The following HACE1 variants were observed in gnomAD, a reference collection of about 807,000 sequenced individuals.
The protein encoded by HACE1 is HECT domain and ankyrin repeat containing E3 ubiquitin protein ligase 1.
In HACE1, 73 loss-of-function variants were observed where a neutral mutation model predicts 118.4. The ratio of observed to expected loss-of-function variants is 0.62; its 90% CI spans 0.51 to 0.75. The LOEUF (loss-of-function observed/expected upper bound fraction) is 0.75. Ranked by LOEUF, HACE1 falls within the 30% of genes least tolerant of loss-of-function variation. The pLI is 0.00. For missense variants in HACE1, 749 were observed against 1,102.2 expected (o/e 0.68, Z 4.54); for synonymous variants, 368 against 374.8 (o/e 0.98, Z 0.21).
chr6:104,746,306 A>G (rs1003620596), intron 20 of HACE1, among the ~76,000 whole-genome samples: 1 of 152,160 alleles, frequency 6.6e-6, no homozygotes, highest in African/African-American at 2.4e-5. Flanking sequence ...AGTCCTAGTC[A>G]CAGTGTTATA....
At chr6:104,751,143 G>A (rs766105771) in intron 19 of HACE1, among the ~76,000 whole-genome samples, 4 of 152,124 alleles carry the variant, frequency 2.6e-5, no homozygotes, top group Non-Finnish European at 5.9e-5. Flanking sequence ...CAAAACACAA[G>A]CTTGTCCGGG....
intron 14 of HACE1, among the ~76,000 whole-genome samples, chr6:104,783,579 T>C (rs934279291): frequency 1.3e-5 from 2 of 152,146 alleles, no homozygotes; most frequent in Admixed American, 6.5e-5. Context: ...CAAAACAAGC[T>C]TTCCTCCAGC....
At position 104,756,262 on chromosome 6, in the gene HACE1, A is replaced by C. The variant is rs189677201; in HGVS notation, c.2212-5790T>G. 1.2e-3 allele frequency among the ~76,000 whole-genome samples: 179 copies of C among 151,770 alleles called. 1 individual carries two copies. The highest frequency in any genetic ancestry group is 3.7e-4 in the Non-Finnish European group (25 of 67,912). ...GTCATCTTTACTAAAAACACAAAAA[A>C]TTAGCCAGGCATGGTGGTGCATGCC... On this transcript the variant is annotated intron_variant, in intron 19 of 23. Transcript: ENST00000262903.
chr6:104,828,549 A>G (rs140507751), intron 6 of HACE1, among the ~76,000 whole-genome samples: 3,768 of 152,110 alleles, frequency 0.025, 83 homozygotes, highest in Non-Finnish European at 0.036. Context: ...TATAAAAATA[A>G]AATTATTAAG....
intron 3 of HACE1, among the ~76,000 whole-genome samples, chr6:104,849,712 G>A (rs1446759927): frequency 4.0e-5 from 6 of 148,518 alleles, no homozygotes; most frequent in Non-Finnish European, 7.4e-5. Context: ...GCAGTGGTGC[G>A]ATGTCAGCTC....
chr6:104,751,247 T>C (rs1778013593), intron 19 of HACE1, among the ~76,000 whole-genome samples: 2 of 152,222 alleles, frequency 1.3e-5, no homozygotes, highest in African/African-American at 4.8e-5. Context: ...TACCAGGATA[T>C]ATACCAACTT....
rs116273598 is a variant in HACE1, at chr6:104,753,244, G to A, written c.2212-2772C>T. Among the ~76,000 whole-genome samples, 198 of 152,276 alleles carry A rather than the reference G, an allele frequency of 1.3e-3. 1 individual carries two copies. The highest frequency in any genetic ancestry group is 4.4e-3 in the African/African-American group (182 of 41,554). On this transcript the variant is annotated intron_variant, in intron 19 of 23. Coordinates refer to ENST00000262903, the MANE Select transcript of HACE1 (RefSeq NM_020771.4). Reference sequence around the variant, plus strand: ...AGGACAGCGCTTTGGTATCTCACTGGGACCGAGCTCCGGGGACAAGGGGTG... The same window carrying A: ...AGGACAGCGCTTTGGTATCTCACTGAGACCGAGCTCCGGGGACAAGGGGTG...
chr6:104,766,321 G>A (rs1486730091), intron 19 of HACE1, among the ~76,000 whole-genome samples: 1 of 152,116 alleles, frequency 6.6e-6, no homozygotes, highest in Admixed American at 6.6e-5. Flanking sequence ...TGAAACAACT[G>A]TATGTTGTAT....
At chr6:104,819,559 C>CA (rs1562443559) in intron 6 of HACE1, among the ~76,000 whole-genome samples, 1 of 151,972 alleles carries the variant, frequency 6.6e-6, no homozygotes, top group South Asian at 2.1e-4. Flanking sequence ...CATATGGAAC[C>CA]AAAAAAGAGC....
intron 6 of HACE1, among the ~76,000 whole-genome samples, chr6:104,824,406 T>C (rs1265170207): frequency 1.3e-5 from 2 of 152,246 alleles, no homozygotes; most frequent in Non-Finnish European, 2.9e-5. Context: ...AGACTCCACA[T>C]ACATTCTTCC....
intron 6 of HACE1, among the ~76,000 whole-genome samples, chr6:104,829,431 AAC>A (rs897176955): frequency 2.6e-5 from 4 of 152,158 alleles, no homozygotes; most frequent in African/African-American, 9.6e-5. Context: ...CACAACTATG[AAC>A]ACAGATTTGT....
chr6:104,834,846 A>G (rs1774368789), intron 5 of HACE1, among the ~76,000 whole-genome samples: 1 of 152,218 alleles, frequency 6.6e-6, no homozygotes, highest in Non-Finnish European at 1.5e-5. Flanking sequence ...AGTTTATTTA[A>G]TAAGATTTAG....
chr6:104,767,554 C>G (rs1225599071), intron 19 of HACE1, among the ~76,000 whole-genome samples: 2 of 152,138 alleles, frequency 1.3e-5, no homozygotes, highest in Non-Finnish European at 2.9e-5. Context: ...GAAATTTGAT[C>G]ATGTCATTTC....
chr6:104,758,693 A>G (rs567370335), intron 19 of HACE1, among the ~76,000 whole-genome samples: 4 of 152,196 alleles, frequency 2.6e-5, no homozygotes, highest in Non-Finnish European at 5.9e-5. Context: ...AAATTCACAC[A>G]TAACAATACA....
intron 7 of HACE1, among the ~76,000 whole-genome samples, chr6:104,807,689 T>C (rs1394336610): frequency 6.6e-6 from 1 of 152,056 alleles, no homozygotes; most frequent in East Asian, 1.9e-4. Context: ...TAAAGGTGTG[T>C]AAAGATGGCA....
chr6:104,771,434 C>A, intron 18 of HACE1, 45 bp from the exon 19 acceptor site: 1 of 1,272,964 alleles, frequency 7.9e-7, no homozygotes, highest in Non-Finnish European at 1.1e-6. Context: ...GTTTTGCCTT[C>A]CCTTATCTAT....
intron 6 of HACE1, among the ~76,000 whole-genome samples, chr6:104,822,803 G>A (rs1267504681): frequency 6.6e-6 from 1 of 152,100 alleles, no homozygotes; most frequent in African/African-American, 2.4e-5. Context: ...GTTGCAGTGA[G>A]CGGAGATCGC....
intron 17 of HACE1, among the ~76,000 whole-genome samples, chr6:104,774,975 A>G (rs1349480095): frequency 6.6e-6 from 1 of 152,202 alleles, no homozygotes; most frequent in Non-Finnish European, 1.5e-5. Context: ...ACGTGAAAAT[A>G]TTTCAGCTTG....
chr6:104,782,574 G>T (rs1284335189), intron 14 of HACE1: 1 of 152,052 alleles, frequency 6.6e-6, no homozygotes, highest in Non-Finnish European at 1.5e-5. Context: ...GTAGCAGAAT[G>T]ACTTAAACAA....
Sources: gnomAD v4.1 joint callset for allele counts (sites outside exome capture counted in the v4.1 genomes callset) on GRCh38, gnomAD v4.1.1 for gene constraint, MANE v1.5 for transcripts, NCBI Gene and HGNC (gene_info 2026-07-23, HGNC 2026-07-21) for gene names.